LRRC42: variants seen among roughly 807,000 people sequenced by gnomAD.
LRRC42 encodes the protein leucine rich repeat containing 42, also known as leucine-rich repeat-containing protein 42.
A neutral mutation model predicts 44.3 loss-of-function variants in LRRC42; 43 were observed. The observed-to-expected ratio is 0.97, with a 90% CI of 0.76 to 1.25. The LOEUF is 1.25. Among genes scored for constraint, LRRC42 ranks in the 50% most tolerant of loss-of-function variants. LRRC42 has a pLI of 0.00. For missense variants in LRRC42, 540 were observed against 509.1 expected, an observed-to-expected ratio of 1.06 and a Z score of -0.58; for synonymous variants, 207 against 195.2, an observed-to-expected ratio of 1.06 and a Z score of -0.50.
At chr1:53,949,580 G>A (rs761737085) in intron 2 of LRRC42, among the ~76,000 whole-genome samples, 8 of 152,176 alleles carry the variant, frequency 5.3e-5, no homozygotes, top group Non-Finnish European at 1.2e-4. Flanking sequence ...CAAAATTAAG[G>A]TCTGCAAGGT....
chr1:53,953,189 A>G (rs761625014), intron 3 of LRRC42, among the ~76,000 whole-genome samples: 1 of 152,236 alleles, frequency 6.6e-6, no homozygotes, highest in Non-Finnish European at 1.5e-5. Flanking sequence ...CTCTCCAGAG[A>G]CCAAATGCTG....
At chr1:53,958,332 G>C in intron 4 of LRRC42, 52 bp downstream of exon 4, 2 of 1,598,172 alleles carry the variant, frequency 1.3e-6, no homozygotes, top group Middle Eastern at 1.7e-4. Flanking sequence ...TGTTTTAAAG[G>C]CTGATCCAAC....
chr1:53,949,122 C>T (rs1182575617), intron 2 of LRRC42, among the ~76,000 whole-genome samples: 6 of 152,178 alleles, frequency 3.9e-5, no homozygotes, highest in African/African-American at 1.4e-4. Context: ...CAGAACTGTG[C>T]CTTTTTTTTG....
At chr1:53,954,241 A>T (rs1390968985) in intron 3 of LRRC42, among the ~76,000 whole-genome samples, 1 of 152,240 alleles carries the variant, frequency 6.6e-6, no homozygotes, top group African/African-American at 2.4e-5. Flanking sequence ...ACATAAACAC[A>T]TGCAGAAAAG....
chr1:53,950,770 G>A (rs1045057775), intron 2 of LRRC42, among the ~76,000 whole-genome samples: 1 of 152,086 alleles, frequency 6.6e-6, no homozygotes, highest in Non-Finnish European at 1.5e-5. Flanking sequence ...TAGTTCTTGG[G>A]CATATATTAT....
At chr1:53,950,873 C>G (rs1460449286) in intron 2 of LRRC42, among the ~76,000 whole-genome samples, 1 of 152,090 alleles carries the variant, frequency 6.6e-6, no homozygotes. Context: ...TTTCCAAAGG[C>G]TAGAATAGTT....
intron 2 of LRRC42, among the ~76,000 whole-genome samples, chr1:53,949,567 A>T (rs1241604536): frequency 1.3e-5 from 2 of 152,228 alleles, no homozygotes; most frequent in African/African-American, 4.8e-5. Flanking sequence ...GTAATTCCTC[A>T]GTCAAAATTA....
At position 53,962,311 on chromosome 1, in the gene LRRC42, A is replaced by C; in HGVS notation, c.829A>C (p.Lys277Gln). ...GCCTCACTAGGACATCAAAACCGTC[A>C]AGCACAAGCTCCAGACCCACATAGG... is the stretch of plus-strand genomic sequence containing the variant. ...GTGLKDIKTV[K>Q]HKLQTHIGLV... The change falls in exon 7 of 9, where the codon AAG (lysine) becomes CAG (glutamine). Residue 277 changes from lysine to glutamine, a missense_variant. By Grantham distance (53) the Lys-to-Gln change is moderately conservative. Coordinates refer to ENST00000371370, the MANE Select transcript of LRRC42 (RefSeq NM_001256409.2). The C allele has an allele frequency of 1.2e-6, 2 of 1,613,888 alleles. No homozygotes were observed.
chr1:53,956,457 C>T (rs775689716), intron 3 of LRRC42, among the ~76,000 whole-genome samples: 9 of 152,150 alleles, frequency 5.9e-5, no homozygotes, highest in Non-Finnish European at 8.8e-5. Context: ...TCTTAATCAT[C>T]CTGAAAAGAA....
chr1:53,962,056 A>C lies in LRRC42; in HGVS notation c.747A>C (p.Ala249=). 2 of 1,613,546 alleles carry C rather than the reference A, an allele frequency of 1.2e-6. No homozygotes were observed. The highest frequency in any genetic ancestry group is 2.2e-5 in the South Asian group (2 of 91,038). ...DLSCNPEITD[A]GIGYLFSFRK... ...TAGGTAACCCTGAGATCACAGATGC[A>C]GGCATTGGATACCTCTTTTCTTTTA... Residue 249 remains alanine (A), a synonymous_variant, in exon 6 of 9, where the codon GCA becomes GCC. Transcript: ENST00000371370.
At chr1:53,953,071 A>G (rs1654737528) in intron 3 of LRRC42, among the ~76,000 whole-genome samples, 1 of 152,252 alleles carries the variant, frequency 6.6e-6, no homozygotes, top group South Asian at 2.1e-4. Context: ...AATTTTTTAA[A>G]AAACTTGCAA....
At position 53,962,394 on chromosome 1, in the gene LRRC42, G is replaced by T; in HGVS notation, c.912G>T (p.Glu304Asp). ...TTGATCATAGTAACTGCAAGACAGA[G>T]GGCTGGGCTGACCAGGTACTCCAGA... ...KEFDHSNCKT[E>D]GWADQIVLQW... Residue 304 changes from glutamate (E) to aspartate (D), a missense_variant, in exon 7 of 9, where the codon GAG (glutamate) becomes GAT (aspartate). Coordinates refer to ENST00000371370, the MANE Select transcript of LRRC42 (RefSeq NM_001256409.2). 1 of 1,611,978 alleles carries T rather than the reference G, an allele frequency of 6.2e-7. No homozygotes were observed. Among genetic ancestry groups the T allele is most frequent in the African/African-American group, 1.3e-5 (1 of 75,028 alleles).
chr1:53,960,080 C>A (rs937843735), intron 4 of LRRC42, among the ~76,000 whole-genome samples: 2 of 152,076 alleles, frequency 1.3e-5, no homozygotes, highest in Non-Finnish European at 2.9e-5. Context: ...AGCACCTTGG[C>A]TAGCTAATTT....
At chr1:53,950,837 C>G (rs1286277347) in intron 2 of LRRC42, among the ~76,000 whole-genome samples, 1 of 152,146 alleles carries the variant, frequency 6.6e-6, no homozygotes, top group East Asian at 1.9e-4. Context: ...TAAAACTGCC[C>G]TAATAGAACT....
chr1:53,967,806 G>C lies in LRRC42; in HGVS notation c.1154G>C (p.Ser385Thr). 6.2e-7 allele frequency: 1 copy of C among 1,614,204 alleles called. No homozygotes were observed. Among genetic ancestry groups the C allele is most frequent in the Non-Finnish European group, 8.5e-7 (1 of 1,180,040 alleles). Residue 385 changes from serine to threonine, a missense_variant, in exon 9 of 9, where the codon AGC becomes ACC. Coordinates refer to ENST00000371370, the MANE Select transcript of LRRC42 (RefSeq NM_001256409.2). ...GTGTTGAAACACGAAGCTATCTCAAGCCAGGAGTCAAAGAAGAGCAAGAAG... is the reference window on the plus strand; with the variant it reads ...GTGTTGAAACACGAAGCTATCTCAACCCAGGAGTCAAAGAAGAGCAAGAAG... ...GPVLKHEAIS[S>T]QESKKSKKRP...
intron 3 of LRRC42, among the ~76,000 whole-genome samples, chr1:53,953,756 G>A (rs1400080373): frequency 6.7e-6 from 1 of 149,338 alleles, no homozygotes; most frequent in Non-Finnish European, 1.5e-5. Context: ...TTTTTGAGAC[G>A]GAATTTTCCT....
chr1:53,961,629 A>G (rs1471755139), intron 5 of LRRC42, among the ~76,000 whole-genome samples: 1 of 152,210 alleles, frequency 6.6e-6, no homozygotes, highest in East Asian at 1.9e-4. Flanking sequence ...ATCTGTGTCT[A>G]AGTTCCCTTG....
intron 4 of LRRC42, 94 bp downstream of exon 4, chr1:53,958,374 C>A: frequency 6.7e-7 from 1 of 1,488,102 alleles, no homozygotes; most frequent in Non-Finnish European, 9.2e-7. Flanking sequence ...GATTACTTCC[C>A]ATTCTTATGT....
intron 7 of LRRC42, among the ~76,000 whole-genome samples, chr1:53,965,827 A>G (rs1406769543): frequency 6.6e-6 from 1 of 152,194 alleles, no homozygotes; most frequent in East Asian, 1.9e-4. Context: ...TATTTTTAAC[A>G]GTTTAAAAAG....
Sources: gnomAD v4.1 joint callset for allele counts (sites outside exome capture counted in the v4.1 genomes callset) on GRCh38, gnomAD v4.1.1 for gene constraint, MANE v1.5 for transcripts, NCBI Gene and HGNC (gene_info 2026-07-23, HGNC 2026-07-21) for gene names.